The following ADAMTSL1 variants were observed in gnomAD, a reference collection of about 807,000 sequenced individuals.
ADAMTSL1 encodes ADAMTS-like protein 1.
A neutral mutation model predicts 201.8 loss-of-function variants in ADAMTSL1; 126 were observed. That is an observed-to-expected ratio of 0.62 (90% CI 0.54 to 0.72). ADAMTSL1 has a LOEUF of 0.72. Ranked by LOEUF, ADAMTSL1 falls within the 30% of genes least tolerant of loss-of-function variation. The pLI is 0.00. For missense variants in ADAMTSL1, 2,679 were observed against 2,277.8 expected, an observed-to-expected ratio of 1.18 and a Z score of -3.59; for synonymous variants, 1,121 against 903.4, an observed-to-expected ratio of 1.24 and a Z score of -4.32.
At chr9:18,825,617 A>G (rs999768155) in intron 21 of ADAMTSL1, among the ~76,000 whole-genome samples, 1 of 152,164 alleles carries the variant, frequency 6.6e-6, no homozygotes, top group African/African-American at 2.4e-5. Flanking sequence ...AAGTACATGT[A>G]TCATAAAGGT....
At chr9:18,796,124 C>G in intron 20 of ADAMTSL1, among the ~76,000 whole-genome samples, 1 of 152,178 alleles carries the variant, frequency 6.6e-6, no homozygotes, top group Non-Finnish European at 1.5e-5. Context: ...ACCATGTCTC[C>G]CATAGTTGTG....
chr9:18,874,022 T>C lies in ADAMTSL1; in HGVS notation c.4250-13809T>C, dbSNP rs543679581. The stretch of plus-strand genomic sequence containing the variant: ...GGTCTTTCACCTCCTTGGTTAGGTA[T>C]ATTCGTAAGTATTTTAATTTTTTTT... On this transcript the variant is annotated intron_variant, in intron 23 of 28. Coordinates refer to ENST00000380548, the MANE Select transcript of ADAMTSL1 (RefSeq NM_001040272.6). 3.3e-5 allele frequency among the ~76,000 whole-genome samples: 5 copies of C among 152,262 alleles called. No homozygotes were observed. In the East Asian group the frequency reaches 9.6e-4, roughly 29 times the overall value.
intron 4 of ADAMTSL1, among the ~76,000 whole-genome samples, chr9:18,621,835 C>T (rs1826053568): frequency 6.6e-6 from 1 of 152,102 alleles, no homozygotes; most frequent in African/African-American, 2.4e-5. Context: ...TAAAATGTTT[C>T]CTGCTACCAT....
intron 23 of ADAMTSL1, among the ~76,000 whole-genome samples, chr9:18,837,420 A>T (rs774638628): frequency 5.2e-4 from 79 of 152,302 alleles, no homozygotes; most frequent in African/African-American, 1.7e-3. Flanking sequence ...ATACGTGGGT[A>T]TATTTCTAGA....
rs111880329 is a variant in ADAMTSL1 at position 18,685,310 on chromosome 9, T to A, written c.1574+510T>A. Among the ~76,000 whole-genome samples the A allele has an allele frequency of 5.4e-3, 825 of 152,312 alleles. 6 individuals are homozygous for A. The highest frequency in any genetic ancestry group is 0.027 in the Middle Eastern group (8 of 294). On this transcript the variant is annotated intron_variant, in intron 13 of 28. Transcript: ENST00000380548. ...TTGCCCCACTTGATTATGTCCCATG[T>A]CTACTCAATTTTATCAAGTCCATGG...
intron 23 of ADAMTSL1, among the ~76,000 whole-genome samples, chr9:18,862,191 A>T (rs1827255105): frequency 6.6e-6 from 1 of 152,116 alleles, no homozygotes; most frequent in Non-Finnish European, 1.5e-5. Flanking sequence ...GCAGAAGAGA[A>T]ATGAAATGGG....
intron 2 of ADAMTSL1, among the ~76,000 whole-genome samples, chr9:18,237,293 C>T (rs1383013957): frequency 6.6e-6 from 1 of 152,182 alleles, no homozygotes; most frequent in Non-Finnish European, 1.5e-5. Context: ...TGTTTACCAG[C>T]TCAGGAGGAA....
In ADAMTSL1 at chr9:18,906,885, C is replaced by A. The variant is rs746731054; in HGVS notation, c.5155C>A (p.Arg1719Ser). The A allele has an allele frequency of 1.2e-6, 2 of 1,613,834 alleles. No individual in the cohort carries two copies. The highest frequency in any genetic ancestry group is 1.7e-6 in the Non-Finnish European group (2 of 1,179,868). ...SWGPRPANWQ[R>S]CNITPCENME... ...GGGGCCCCGGCCTGCCAACTGGCAG[C>A]GCTGCAACATCACCCCATGTGAAAA... is the stretch of plus-strand genomic sequence containing the variant. The change falls in exon 28 of 29, where the codon CGC (arginine) becomes AGC (serine). Residue 1719 changes from arginine to serine, a missense_variant. By Grantham distance (110) the Arg-to-Ser change is moderately radical (BLOSUM62 -1). Coordinates refer to ENST00000380548, the MANE Select transcript of ADAMTSL1 (RefSeq NM_001040272.6).
At chr9:18,831,649 G>A (rs747166804) in intron 23 of ADAMTSL1, among the ~76,000 whole-genome samples, 6 of 152,132 alleles carry the variant, frequency 3.9e-5, no homozygotes, top group Non-Finnish European at 5.9e-5. Context: ...CCTTAGGCTG[G>A]TATTTAAATC....
chr9:18,230,740 A>G (rs1338688943), intron 2 of ADAMTSL1, among the ~76,000 whole-genome samples: 1 of 152,196 alleles, frequency 6.6e-6, no homozygotes, highest in African/African-American at 2.4e-5. Flanking sequence ...AAACATTATT[A>G]TAATTAATTA....
intron 1 of ADAMTSL1, among the ~76,000 whole-genome samples, chr9:18,000,951 T>C (rs1354149097): frequency 6.6e-6 from 1 of 151,992 alleles, no homozygotes; most frequent in African/African-American, 2.4e-5. Flanking sequence ...TGGGGCACTA[T>C]CCCATCCCTA....
intron 2 of ADAMTSL1, among the ~76,000 whole-genome samples, chr9:18,464,032 A>G (rs1587287319): frequency 6.6e-6 from 1 of 152,230 alleles, no homozygotes; most frequent in East Asian, 1.9e-4. Flanking sequence ...AACAGGATGC[A>G]CTGCCTTCCA....
intron 25 of ADAMTSL1, among the ~76,000 whole-genome samples, chr9:18,890,393 T>C (rs1468118002): frequency 2.6e-5 from 4 of 152,214 alleles, no homozygotes; most frequent in Non-Finnish European, 4.4e-5. Context: ...CCTCATCCTC[T>C]GTCCTCAGCA....
chr9:18,234,204 G>A (rs942922563), intron 2 of ADAMTSL1, among the ~76,000 whole-genome samples: 1 of 152,222 alleles, frequency 6.6e-6, no homozygotes, highest in African/African-American at 2.4e-5. Context: ...TCGGAGGACT[G>A]GTGGTGCCAG....
At chr9:18,153,483 T>C (rs1827012716) in intron 1 of ADAMTSL1, among the ~76,000 whole-genome samples, 1 of 152,064 alleles carries the variant, frequency 6.6e-6, no homozygotes, top group South Asian at 2.1e-4. Context: ...ACTGCTAGGC[T>C]TTCAAAATAG....
chr9:18,769,373 A>G (rs1369125123), intron 16 of ADAMTSL1, among the ~76,000 whole-genome samples: 1 of 152,220 alleles, frequency 6.6e-6, no homozygotes, highest in Non-Finnish European at 1.5e-5. Flanking sequence ...ACTATTCTGG[A>G]AGAAATCAGC....
chr9:18,100,155 C>A (rs188197591), intron 1 of ADAMTSL1, among the ~76,000 whole-genome samples: 17 of 152,220 alleles, frequency 1.1e-4, no homozygotes, highest in African/African-American at 3.6e-4. Context: ...GTTCTGTGGA[C>A]ATGTCCTCCA....
chr9:18,143,188 A>G (rs751669400), intron 1 of ADAMTSL1, among the ~76,000 whole-genome samples: 1 of 152,194 alleles, frequency 6.6e-6, no homozygotes, highest in Non-Finnish European at 1.5e-5. Flanking sequence ...AGCTGGAGCC[A>G]GAGGACACAC....
At chr9:18,701,964 G>GT (rs879505526) in intron 13 of ADAMTSL1, among the ~76,000 whole-genome samples, 1 of 152,174 alleles carries the variant, frequency 6.6e-6, no homozygotes, top group Admixed American at 6.5e-5. Flanking sequence ...AAAGAAAGAG[G>GT]TTTAATTGGA....
Sources: allele counts gnomAD v4.1 joint callset (sites outside exome capture counted in the v4.1 genomes callset), GRCh38; gene constraint gnomAD v4.1.1; transcripts MANE v1.5; gene names NCBI Gene and HGNC (gene_info 2026-07-23, HGNC 2026-07-21).